Variants in FGF14 observed in about 807,000 individuals in gnomAD.
The protein encoded by FGF14 is fibroblast growth factor 14, also known as fibroblast growth factor homologous factor 4.
Under a neutral mutation model 25.5 loss-of-function variants are expected in FGF14, and 5 were observed. That is an observed-to-expected ratio of 0.20 (90% CI 0.10 to 0.41). The LOEUF is 0.41. Ranked by LOEUF, FGF14 falls within the 10% of genes least tolerant of loss-of-function variation. The pLI is 1.00. For synonymous variants in FGF14, 138 were observed against 118.3 expected, an observed-to-expected ratio of 1.17 and a Z score of -1.08; for missense variants, 222 against 320.1, an observed-to-expected ratio of 0.69 and a Z score of 2.34.
chr13:102,102,225 G>A (rs1001947503), intron 1 of FGF14, among the ~76,000 whole-genome samples: 2 of 152,186 alleles, frequency 1.3e-5, no homozygotes. Context: ...GTAGTAGCAA[G>A]AACAAGGTGT....
intron 1 of FGF14, among the ~76,000 whole-genome samples, chr13:101,959,409 G>A (rs1297119978): frequency 6.6e-6 from 1 of 152,044 alleles, no homozygotes; most frequent in African/African-American, 2.4e-5. Flanking sequence ...TTAACTACAG[G>A]TATATTACTG....
intron 1 of FGF14, among the ~76,000 whole-genome samples, chr13:101,943,626 G>A (rs2035591052): frequency 6.6e-6 from 1 of 152,046 alleles, no homozygotes; most frequent in Non-Finnish European, 1.5e-5. Context: ...CTTACCCGCT[G>A]CATGCATTCA....
At chr13:102,043,182 A>G (rs1566611722) in intron 1 of FGF14, among the ~76,000 whole-genome samples, 1 of 152,166 alleles carries the variant, frequency 6.6e-6, no homozygotes, top group Non-Finnish European at 1.5e-5. Context: ...CCTTAAAACA[A>G]CCTTGCAGGA....
At chr13:101,870,674 C>T (rs1387073191) in intron 2 of FGF14, among the ~76,000 whole-genome samples, 2 of 152,110 alleles carry the variant, frequency 1.3e-5, no homozygotes, top group African/African-American at 4.8e-5. Flanking sequence ...TTATAAAATA[C>T]AAGGTATTGG....
At chr13:102,076,397 A>T (rs2043364979) in intron 1 of FGF14, among the ~76,000 whole-genome samples, 1 of 152,244 alleles carries the variant, frequency 6.6e-6, no homozygotes, top group African/African-American at 2.4e-5. Context: ...GCCTAGAAGC[A>T]ATAGGCTATG....
At chr13:102,281,849 C>A (rs188921368) in intron 1 of FGF14, among the ~76,000 whole-genome samples, 48 of 152,252 alleles carry the variant, frequency 3.2e-4, no homozygotes, top group Non-Finnish European at 6.5e-4. Context: ...AAATAACTCA[C>A]TATCTATGTG....
chr13:101,945,825 C>T (rs996974734), intron 1 of FGF14, among the ~76,000 whole-genome samples: 1 of 152,168 alleles, frequency 6.6e-6, no homozygotes, highest in Non-Finnish European at 1.5e-5. Flanking sequence ...CAGTGTTTAA[C>T]GCCCACGGAG....
intron 1 of FGF14, among the ~76,000 whole-genome samples, chr13:101,985,088 T>G (rs1288390946): frequency 2.0e-5 from 3 of 151,094 alleles, no homozygotes; most frequent in African/African-American, 7.3e-5. Context: ...TTGTTTTTTT[T>G]TTTTTTGCCA....
intron 3 of FGF14, among the ~76,000 whole-genome samples, chr13:101,810,201 T>C (rs2140176063): frequency 6.6e-6 from 1 of 152,322 alleles, no homozygotes; most frequent in Non-Finnish European, 1.5e-5. Context: ...TGTTTTCTAG[T>C]TCGCTGTTGA....
chr13:101,943,632 AT>A (rs2035591828), intron 1 of FGF14, among the ~76,000 whole-genome samples: 1 of 152,134 alleles, frequency 6.6e-6, no homozygotes, highest in Non-Finnish European at 1.5e-5. Flanking sequence ...CGCTGCATGC[AT>A]TCAGACACTT....
At chr13:102,325,346 C>CTT (rs957904336) in intron 1 of FGF14, among the ~76,000 whole-genome samples, 25 of 152,104 alleles carry the variant, frequency 1.6e-4, no homozygotes, top group African/African-American at 5.3e-4. Flanking sequence ...TTATTTTTCT[C>CTT]TTTTTATTAA....
chr13:102,006,156 G>C (rs1377229982), intron 1 of FGF14, among the ~76,000 whole-genome samples: 1 of 152,120 alleles, frequency 6.6e-6, no homozygotes, highest in Non-Finnish European at 1.5e-5. Flanking sequence ...AATCTTATTG[G>C]GGAAAATGTT....
chr13:101,848,910 A>C (rs373993598), intron 3 of FGF14, among the ~76,000 whole-genome samples: 34 of 152,216 alleles, frequency 2.2e-4, no homozygotes, highest in African/African-American at 7.9e-4. Flanking sequence ...CTGAATGTTA[A>C]TAGTTTCTTT....
chr13:102,032,997 A>G (rs2041286735), intron 1 of FGF14, among the ~76,000 whole-genome samples: 1 of 152,126 alleles, frequency 6.6e-6, no homozygotes, highest in Non-Finnish European at 1.5e-5. Context: ...GACAACAATC[A>G]AAACTTCACT....
chr13:102,134,205 A>G (rs2046315901), intron 1 of FGF14, among the ~76,000 whole-genome samples: 1 of 152,160 alleles, frequency 6.6e-6, no homozygotes, highest in Admixed American at 6.5e-5. Context: ...ATGGTAGGAA[A>G]AAAGCCTGTG....
At chr13:101,909,220 CA>C (rs2032617710) in intron 1 of FGF14, among the ~76,000 whole-genome samples, 1 of 152,140 alleles carries the variant, frequency 6.6e-6, no homozygotes. Context: ...GCAATGGCAA[CA>C]AAAGCCAAAA....
chr13:102,365,122 C>T (rs1375721642), intron 1 of FGF14, among the ~76,000 whole-genome samples: 1 of 152,142 alleles, frequency 6.6e-6, no homozygotes, highest in African/African-American at 2.4e-5. Context: ...ATTTCGGCAT[C>T]CTTTTGGTCC....
intron 1 of FGF14, among the ~76,000 whole-genome samples, chr13:102,374,452 C>T (rs2139127946): frequency 6.6e-6 from 1 of 151,384 alleles, no homozygotes; most frequent in African/African-American, 2.4e-5. Flanking sequence ...AGTATGTTTG[C>T]AGTCTAAGTG....
At chr13:102,260,851 T>G (rs1169554983) in intron 1 of FGF14, among the ~76,000 whole-genome samples, 2 of 152,308 alleles carry the variant, frequency 1.3e-5, no homozygotes, top group African/African-American at 4.8e-5. Flanking sequence ...TATCCCCTTC[T>G]CTGAATGACG....
Sources: gnomAD v4.1 joint callset for allele counts (sites outside exome capture counted in the v4.1 genomes callset) on GRCh38, gnomAD v4.1.1 for gene constraint, MANE v1.5 for transcripts, NCBI Gene and HGNC (gene_info 2026-07-23, HGNC 2026-07-21) for gene names.